The following SP140 variants were observed in gnomAD, a reference collection of about 807,000 sequenced individuals.
SP140 encodes the protein SP140 nuclear body protein.
Under a neutral mutation model 125.0 loss-of-function variants are expected in SP140, and 81 were observed. That is an observed-to-expected ratio of 0.65 (90% CI 0.54 to 0.78). SP140 has a LOEUF of 0.78. Among genes scored for constraint, SP140 ranks in the 30% least tolerant of loss-of-function variants. The probability of loss-of-function intolerance (pLI) is 0.00; values close to 1 mark genes in which losing one functional copy is unlikely to be tolerated. For missense variants in SP140, 858 were observed against 1,037.0 expected, an observed-to-expected ratio of 0.83 and a Z score of 2.37; for synonymous variants, 312 against 354.0, an observed-to-expected ratio of 0.88 and a Z score of 1.33.
rs757870400 is a variant in SP140 at position 230,255,513 on chromosome 2, C to T, written c.1221C>T (p.Ser407=). The stretch of plus-strand genomic sequence containing the variant: ...AAGAGCGCCAGGAAGCCTCTAGCTC[C>T]CTAGCAAGACGTGGGTCAGGTAAGG... The part of the protein sequence containing the change: ...DGEERQEASS[S]LARRGSVSSE... Residue 407 remains serine, a synonymous_variant, in exon 12 of 27, where the codon TCC becomes TCT. Transcript: ENST00000392045. 19 of 1,607,696 alleles carry T rather than the reference C, an allele frequency of 1.2e-5. No homozygotes were observed. Among genetic ancestry groups the T allele is most frequent in the African/African-American group, 5.5e-5 (4 of 72,720 alleles).
chr2:230,212,724 G>C (rs2044632922), intron 1 of SP140: 2 of 1,612,630 alleles, frequency 1.2e-6, no homozygotes, highest in Admixed American at 3.3e-5. Context: ...ACCTTAGGCT[G>C]AGGATATACA....
At chr2:230,189,003 A>C in the SP140 span, among the ~76,000 whole-genome samples, 48 of 152,264 alleles carry the variant, frequency 3.2e-4, 1 homozygote, top group East Asian at 8.3e-3. Context: ...AGAGGTGTTC[A>C]TAGTAGTCCT....
chr2:230,293,573 G>A lies in SP140; in HGVS notation c.1969-698G>A, dbSNP rs572199724. On this transcript the variant is annotated intron_variant, in intron 20 of 26. Transcript: ENST00000392045. ...GCTGATCTCGAATTCCTGGCGTCAA[G>A]CGGGAGGCCTCCTCGGCCTCCCAAA... 4.6e-5 allele frequency among the ~76,000 whole-genome samples: 7 copies of A among 152,194 alleles called. No individual in the cohort carries two copies. In the South Asian group the frequency reaches 1.5e-3, roughly 32 times the overall value.
chr2:230,266,260 T>G (rs929355132), intron 12 of SP140, among the ~76,000 whole-genome samples: 2 of 152,214 alleles, frequency 1.3e-5, no homozygotes, highest in East Asian at 3.8e-4. Context: ...TTGTTTTGTT[T>G]CATTTTGTTT....
intron 22 of SP140, among the ~76,000 whole-genome samples, chr2:230,305,283 G>A (rs957581657): frequency 2.0e-5 from 3 of 152,200 alleles, no homozygotes; most frequent in African/African-American, 7.2e-5. Flanking sequence ...TGGTGAAAAT[G>A]GAACACTTTT....
At chr2:230,288,493 C>A (rs2056712566) in intron 18 of SP140, among the ~76,000 whole-genome samples, 1 of 117,692 alleles carries the variant, frequency 8.5e-6, no homozygotes, top group Non-Finnish European at 1.9e-5. Flanking sequence ...TTCTTTCTTT[C>A]TTTCTTTCTT....
chr2:230,210,826 TG>T (rs968502805), intron 1 of SP140, among the ~76,000 whole-genome samples: 5 of 152,214 alleles, frequency 3.3e-5, no homozygotes, highest in African/African-American at 1.2e-4. Context: ...ATTAGATCTT[TG>T]GAATAATTTA....
chr2:230,196,890 G>T, the SP140 span, among the ~76,000 whole-genome samples: 1 of 152,146 alleles, frequency 6.6e-6, no homozygotes, highest in Admixed American at 6.5e-5. Flanking sequence ...TTTTATGGCT[G>T]CATAGTATTC....
At chr2:230,196,554 T>G in the SP140 span, among the ~76,000 whole-genome samples, 1 of 151,992 alleles carries the variant, frequency 6.6e-6, no homozygotes, top group African/African-American at 2.4e-5. Flanking sequence ...AAAATTTTAT[T>G]ATTATATTTT....
chr2:230,204,190 G>A (rs2043499416), intron 1 of SP140, among the ~76,000 whole-genome samples: 1 of 152,220 alleles, frequency 6.6e-6, no homozygotes, highest in South Asian at 2.1e-4. Context: ...GCAGAGAGAT[G>A]TCAAAAGGTC....
chr2:230,277,753 T>A (rs1455015126), intron 15 of SP140, among the ~76,000 whole-genome samples: 9 of 152,198 alleles, frequency 5.9e-5, no homozygotes. Flanking sequence ...TATTGGTATA[T>A]GATGTGAGAT....
At chr2:230,225,590 G>A (rs766451470), upstream of SP140, 28 of 557,766 alleles carry the variant, frequency 5.0e-5, no homozygotes, top group Non-Finnish European at 9.7e-6. Flanking sequence ...TCTTTCCTTG[G>A]CAGGAACAAG....
At chr2:230,201,286 C>T (rs897852146), upstream of SP140, among the ~76,000 whole-genome samples, 2 of 152,152 alleles carry the variant, frequency 1.3e-5, no homozygotes, top group Non-Finnish European at 2.9e-5. Context: ...TCTGTCAAAC[C>T]GTTTCAGAAA....
At chr2:230,217,375 G>A (rs1442078580) in intron 3 of SP140, among the ~76,000 whole-genome samples, 1 of 152,064 alleles carries the variant, frequency 6.6e-6, no homozygotes, top group Non-Finnish European at 1.5e-5. Context: ...GCAAAGCAAT[G>A]TCTGCCTAAA....
chr2:230,259,115 G>A (rs143069493), intron 12 of SP140, among the ~76,000 whole-genome samples: 124 of 152,024 alleles, frequency 8.2e-4, no homozygotes, highest in African/African-American at 1.6e-3. Context: ...TTATTTTTCC[G>A]TAAGTTATTG....
At chr2:230,300,671 C>A (rs916746419) in intron 22 of SP140, among the ~76,000 whole-genome samples, 3 of 152,220 alleles carry the variant, frequency 2.0e-5, no homozygotes, top group African/African-American at 7.2e-5. Context: ...AGTTTCAGAT[C>A]TTTCCTCTAA....
At chr2:230,245,425 C>T (rs1384299948) in intron 6 of SP140, among the ~76,000 whole-genome samples, 1 of 151,966 alleles carries the variant, frequency 6.6e-6, no homozygotes, top group Non-Finnish European at 1.5e-5. Flanking sequence ...AACTTACTTG[C>T]CAGGGATTAT....
At chr2:230,310,410 C>A in intron 23 of SP140, 1 of 512,558 alleles carries the variant, frequency 2.0e-6, no homozygotes, top group Non-Finnish European at 3.5e-6. Context: ...CTGTTGGAGG[C>A]CCGAGGTCCC....
chr2:230,293,213 T>C (rs1421304594), intron 20 of SP140, among the ~76,000 whole-genome samples: 1 of 152,226 alleles, frequency 6.6e-6, no homozygotes, highest in African/African-American at 2.4e-5. Context: ...AGGTATAATT[T>C]AACAATTGGG....
Sources: allele counts gnomAD v4.1 joint callset (sites outside exome capture counted in the v4.1 genomes callset), GRCh38; gene constraint gnomAD v4.1.1; transcripts MANE v1.5; gene names NCBI Gene and HGNC (gene_info 2026-07-23, HGNC 2026-07-21).